Variants in CNOT1 observed in about 807,000 individuals in gnomAD.
CNOT1 encodes CCR4-associated factor 1.
CNOT1 carries 15 observed loss-of-function variants against 273.8 expected under a neutral mutation model. The observed-to-expected ratio is 0.05, with a 90% CI of 0.04 to 0.08. CNOT1 has a LOEUF of 0.08. Among genes scored for constraint, CNOT1 ranks in the 10% least tolerant of loss-of-function variants. CNOT1 has a pLI of 1.00. For missense variants in CNOT1, 1,644 were observed against 2,912.2 expected (o/e 0.56, Z 10.02); for synonymous variants, 1,022 against 1,005.5 (o/e 1.02, Z -0.31).
chr16:58,520,313 G>T lies in CNOT1; in HGVS notation c.*645C>A, dbSNP rs549189509. Reference sequence around the variant, plus strand: ...TAAAGAGCTGACCCCCATCTCAGGCGGCTGAGGTGTATAATCCCCAAAAGA... The same window carrying T: ...TAAAGAGCTGACCCCCATCTCAGGCTGCTGAGGTGTATAATCCCCAAAAGA... On this transcript the variant is annotated 3_prime_UTR_variant, in exon 49 of 49. Coordinates refer to ENST00000317147, the MANE Select transcript of CNOT1 (RefSeq NM_016284.5). 1 of 152,244 alleles carries T rather than the reference G, an allele frequency of 6.6e-6. No homozygotes were observed. Among genetic ancestry groups the T allele is most frequent in the Non-Finnish European group, 1.5e-5 (1 of 68,152 alleles). The allele number at this position is 152,244 out of a possible 1,614,324, so 9.4% of individuals were successfully genotyped here. A position where few individuals can be genotyped will look rare whatever the true frequency, so the allele number is the denominator to read the frequency against.
At chr16:58,624,529 G>A (rs944900283) in intron 1 of CNOT1, 1 of 152,166 alleles carries the variant, frequency 6.6e-6, no homozygotes, top group Admixed American at 6.6e-5. Context: ...CTGTGGGTGC[G>A]ACGGCTTACG....
Position 58,588,863 on chromosome 16 carries a change from C to T in CNOT1, c.146G>A (p.Arg49His), listed in dbSNP as rs1254230956. 1.9e-6 allele frequency: 3 copies of T among 1,613,446 alleles called. No homozygotes were observed. The highest frequency in any genetic ancestry group is 2.5e-6 in the Non-Finnish European group (3 of 1,179,916). Reference protein sequence around the residue: ...HGPEADRHLLRCLFSHVDFSG... With the variant: ...HGPEADRHLLHCLFSHVDFSG... The stretch of plus-strand genomic sequence containing the variant: ...GAAATCCACATGCGAAAATAGGCAG[C>T]GTAATAAATGCCTGTCTGCCTCAGG... The change falls in exon 3 of 49, where the codon CGC (arginine) becomes CAC (histidine). Residue 49 changes from arginine to histidine, a missense_variant. Arg to His is a conservative substitution (Grantham distance 29). This residue lies in a region of CNOT1 where 706 missense variants were observed against 1,021.2 expected (regional missense o/e 0.69). Transcript: ENST00000317147.
At chr16:58,561,851 T>C (rs2040854068) in intron 16 of CNOT1, among the ~76,000 whole-genome samples, 2 of 152,146 alleles carry the variant, frequency 1.3e-5, no homozygotes, top group African/African-American at 4.8e-5. Flanking sequence ...CTGTATTGCC[T>C]CATACAACTA....
chr16:58,565,916 G>A (rs1334740647), intron 16 of CNOT1, among the ~76,000 whole-genome samples: 3 of 148,732 alleles, frequency 2.0e-5, no homozygotes, highest in Non-Finnish European at 4.4e-5. Flanking sequence ...TTCCAGCCTG[G>A]GCAAGAGAGC....
At chr16:58,555,575 A>C (rs755763917) in intron 20 of CNOT1, 38 bp from the exon 21 acceptor site, 1 of 1,590,480 alleles carries the variant, frequency 6.3e-7, no homozygotes, top group African/African-American at 1.4e-5. Flanking sequence ...CACATAAAGG[A>C]AACAATTACT....
At chr16:58,618,453 A>G (rs2152044206) in intron 1 of CNOT1, among the ~76,000 whole-genome samples, 1 of 152,106 alleles carries the variant, frequency 6.6e-6, no homozygotes, top group African/African-American at 2.4e-5. Context: ...ATGGTGGTGC[A>G]CATCTGTAAT....
intron 25 of CNOT1, among the ~76,000 whole-genome samples, chr16:58,548,012 G>T (rs1478299011): frequency 2.0e-5 from 3 of 152,168 alleles, no homozygotes; most frequent in African/African-American, 7.2e-5. Context: ...CCTTAGCTAG[G>T]TTTAAAGCAG....
intron 2 of CNOT1, among the ~76,000 whole-genome samples, chr16:58,594,101 G>T (rs1436872378): frequency 2.0e-5 from 3 of 151,906 alleles, no homozygotes; most frequent in Non-Finnish European, 4.4e-5. Flanking sequence ...AAAATTAGCT[G>T]GGTGTGGTGG....
chr16:58,612,729 A>AC (rs1179950047), intron 1 of CNOT1, among the ~76,000 whole-genome samples: 2 of 152,110 alleles, frequency 1.3e-5, no homozygotes, highest in African/African-American at 4.8e-5. Flanking sequence ...ACAAGAGCAA[A>AC]ACTTCTATGG....
chr16:58,623,945 G>A lies in CNOT1; in HGVS notation c.-175+5783C>T, dbSNP rs547668355. On this transcript the variant is annotated intron_variant, in intron 1 of 48. Transcript: ENST00000317147. ...ATAGAGGTTGCAGCAAGCCTAGATC[G>A]TGCCACTGCACTCCAGCCTGGGTGA... 4.6e-5 allele frequency among the ~76,000 whole-genome samples: 7 copies of A among 151,890 alleles called. 2 individuals are homozygous for A. Among genetic ancestry groups the A allele is most frequent in the African/African-American group, 9.7e-5 (4 of 41,416 alleles).
At chr16:58,616,252 C>T (rs1170691276) in intron 1 of CNOT1, among the ~76,000 whole-genome samples, 1 of 122,424 alleles carries the variant, frequency 8.2e-6, no homozygotes, top group East Asian at 2.0e-4. Flanking sequence ...ATTATAGGCG[C>T]CTGCCACCAC....
rs777536483 is a variant in CNOT1, at chr16:58,520,918, G to A, written c.*40C>T. 6.3e-7 allele frequency: 1 copy of A among 1,587,344 alleles called. No individual in the cohort carries two copies. Among genetic ancestry groups the A allele is most frequent in the Non-Finnish European group, 8.6e-7 (1 of 1,161,304 alleles). On this transcript the variant is annotated 3_prime_UTR_variant, in exon 49 of 49. Coordinates refer to ENST00000317147, the MANE Select transcript of CNOT1 (RefSeq NM_016284.5). The stretch of plus-strand genomic sequence containing the variant: ...TCAGTTTATGAACTCGGTGCAGTGA[G>A]ACCTCTAGACTGACACGTACAACAG...
intron 8 of CNOT1, 38 bp downstream of exon 8, chr16:58,585,300 C>A (rs753775091): frequency 6.2e-5 from 99 of 1,607,562 alleles, no homozygotes; most frequent in Admixed American, 2.3e-4. Context: ...ATGTTTGGCA[C>A]AAGAATAATC....
intron 48 of CNOT1, 68 bp downstream of exon 48, chr16:58,521,115 A>G: frequency 6.2e-7 from 1 of 1,613,002 alleles, no homozygotes; most frequent in African/African-American, 1.3e-5. Context: ...AGCTGACCCA[A>G]CCTAGAGACA....
chr16:58,523,254 A>T, intron 47 of CNOT1, 116 bp downstream of exon 47: 1 of 1,227,620 alleles, frequency 8.1e-7, no homozygotes, highest in Non-Finnish European at 1.1e-6. Context: ...CAAAAAAACA[A>T]AAAAAAAACC....
At chr16:58,560,741 G>A (rs1314502901) in intron 16 of CNOT1, among the ~76,000 whole-genome samples, 2 of 152,142 alleles carry the variant, frequency 1.3e-5, no homozygotes, top group Non-Finnish European at 2.9e-5. Flanking sequence ...TTAAAAAGTC[G>A]AGGCTGAGCG....
At position 58,546,837 on chromosome 16, in the gene CNOT1, AG is replaced by A. The variant is rs1597434289; in HGVS notation, c.3751-89del. On this transcript the variant is annotated intron_variant, in intron 27 of 48. Transcript: ENST00000317147. ...ACAATTCAATACAACATAAGGGGGT[AG>A]GGGGGAGTCAAACAAATAAAAAACA... 4.0e-6 allele frequency: 6 copies of A among 1,510,260 alleles called. 1 individual carries two copies. In the South Asian group the frequency reaches 4.7e-5, roughly 12 times the overall value. The allele number at this position is 1,510,260 out of a possible 1,614,324, so 93.6% of individuals were successfully genotyped here. A position where few individuals can be genotyped will look rare whatever the true frequency, so the allele number is the denominator to read the frequency against.
At chr16:58,584,987 G>A (rs909187149) in intron 8 of CNOT1, among the ~76,000 whole-genome samples, 1 of 152,134 alleles carries the variant, frequency 6.6e-6, no homozygotes, top group Non-Finnish European at 1.5e-5. Flanking sequence ...GGGGGTCAGA[G>A]AGGAGAAAAT....
At chr16:58,551,965 T>TC in intron 22 of CNOT1, 146 bp from the exon 23 acceptor site, 1 of 1,004,032 alleles carries the variant, frequency 1.0e-6, no homozygotes, top group Non-Finnish European at 1.4e-6. Context: ...ACCCTGGCAC[T>TC]AATACATAAG....
Sources: gnomAD v4.1 joint callset for allele counts (sites outside exome capture counted in the v4.1 genomes callset) on GRCh38, gnomAD v4.1.1 for gene constraint, gnomAD v4.1.1 regional missense constraint, MANE v1.5 for transcripts, NCBI Gene and HGNC (gene_info 2026-07-23, HGNC 2026-07-21) for gene names.